The following SNED1 variants were observed in gnomAD, a reference collection of about 807,000 sequenced individuals.
SNED1 encodes sushi, nidogen and EGF like domains 1, also known as sushi, nidogen and EGF-like domain-containing protein 1.
A neutral mutation model predicts 166.7 loss-of-function variants in SNED1; 81 were observed. The observed-to-expected ratio is 0.49, with a 90% CI of 0.41 to 0.58. The LOEUF (loss-of-function observed/expected upper bound fraction) is 0.58, where lower values mean the gene tolerates loss of function less well. Among genes scored for constraint, SNED1 ranks in the 20% least tolerant of loss-of-function variants. The pLI is 0.00. For missense variants in SNED1, 1,604 were observed against 2,000.2 expected, an observed-to-expected ratio of 0.80 and a Z score of 3.78; for synonymous variants, 762 against 822.0, an observed-to-expected ratio of 0.93 and a Z score of 1.25.
chr2:241,083,435 T>A (rs980881089), intron 29 of SNED1, among the ~76,000 whole-genome samples: 1 of 152,142 alleles, frequency 6.6e-6, no homozygotes, highest in Admixed American at 6.5e-5. Flanking sequence ...AGTGACATGT[T>A]CGATTACACT....
At chr2:241,016,089 T>G in intron 1 of SNED1, 1 of 152,112 alleles carries the variant, frequency 6.6e-6, no homozygotes. Context: ...TAATGGCAAA[T>G]TAAATTAATA....
chr2:241,022,323 A>G (rs2060798971), intron 1 of SNED1, among the ~76,000 whole-genome samples: 1 of 152,202 alleles, frequency 6.6e-6, no homozygotes, highest in South Asian at 2.1e-4. Context: ...ACAAAGATTT[A>G]CACCTCTGTT....
At position 241,090,145 on chromosome 2, in the gene SNED1, C is replaced by T; in HGVS notation, c.*2-1493C>T. On this transcript the variant is annotated intron_variant, in intron 31 of 31. Coordinates refer to ENST00000310397, the MANE Select transcript of SNED1 (RefSeq NM_001080437.3). ...TTTTAATAACAGCTTAAAATACAAA[C>T]ACACTGTACGGATGTTCAAAATTGT... The T allele has an allele frequency of 2.7e-6, 4 of 1,473,706 alleles. No individual in the cohort carries two copies. In the South Asian group the frequency reaches 4.2e-5, roughly 16 times the overall value. The allele number at this position is 1,473,706 out of a possible 1,614,324, so 91.3% of individuals were successfully genotyped here.
rs1559284899 is a variant in SNED1 at position 241,064,251 on chromosome 2, C to CG, written c.2599+127dup. 3.0e-6 allele frequency: 2 copies of CG among 659,188 alleles called. No homozygotes were observed. Among genetic ancestry groups the CG allele is most frequent in the Admixed American group, 3.2e-5 (1 of 31,740 alleles). The allele number at this position is 659,188 out of a possible 1,614,324, so 40.8% of individuals were successfully genotyped here. A position where few individuals can be genotyped will look rare whatever the true frequency, so the allele number is the denominator to read the frequency against. On this transcript the variant is annotated intron_variant, in intron 19 of 31. Coordinates refer to ENST00000310397, the MANE Select transcript of SNED1 (RefSeq NM_001080437.3). The surrounding 1 kb of genome is among the most constrained non-coding windows in gnomAD (Gnocchi z 7.0). Reference sequence around the variant, plus strand: ...GCCCGCCTGCTCCCCGCCCTCTGCCCGCCGCCTTGGAAGTCCCCTTCTCAG... The same window carrying CG: ...GCCCGCCTGCTCCCCGCCCTCTGCCCGGCCGCCTTGGAAGTCCCCTTCTCAG...
intron 31 of SNED1, 49 bp downstream of exon 31, chr2:241,088,451 G>C (rs58025399): frequency 2.7e-6 from 4 of 1,491,042 alleles, no homozygotes; most frequent in African/African-American, 2.7e-5. Context: ...GCTGGGAAGT[G>C]GGGGGCGACT....
At chr2:241,043,782 A>G (rs1302485572) in intron 8 of SNED1, among the ~76,000 whole-genome samples, 2 of 152,196 alleles carry the variant, frequency 1.3e-5, no homozygotes, top group Admixed American at 6.5e-5. Flanking sequence ...TCACAACTCA[A>G]CTCTACCATT....
In SNED1 at chr2:241,040,079, A is replaced by G. The variant is rs763415809; in HGVS notation, c.1050A>G (p.Gln350=). The change falls in exon 7 of 32, where the codon CAA becomes CAG. Residue 350 remains glutamine, a synonymous_variant. Coordinates refer to ENST00000310397, the MANE Select transcript of SNED1 (RefSeq NM_001080437.3). ...GTCTACACCTCCTCACTCTAGCCCA[A>G]TCCCCCTGTGACACCAAAGAGTGTC... ...GFGGPTCETA[Q]SPCDTKECQH... 1.5e-5 allele frequency: 23 copies of G among 1,578,628 alleles called. No individual in the cohort carries two copies. Among genetic ancestry groups the G allele is most frequent in the African/African-American group, 4.0e-5 (3 of 74,092 alleles).
intron 1 of SNED1, among the ~76,000 whole-genome samples, chr2:241,014,849 G>C (rs1275659663): frequency 6.6e-6 from 1 of 152,062 alleles, no homozygotes; most frequent in Non-Finnish European, 1.5e-5. Context: ...CTTGGGGCCC[G>C]AGGTAGAGTC....
chr2:241,065,770 T>C (rs2062419869), intron 21 of SNED1, among the ~76,000 whole-genome samples, 175 bp downstream of exon 21: 1 of 152,056 alleles, frequency 6.6e-6, no homozygotes, highest in Non-Finnish European at 1.5e-5. Context: ...CAGAGCTGTG[T>C]GGGAGTGGCC....
chr2:241,011,789 C>A (rs936143750), intron 1 of SNED1, among the ~76,000 whole-genome samples: 1 of 152,198 alleles, frequency 6.6e-6, no homozygotes, highest in South Asian at 2.1e-4. Flanking sequence ...TGCCCACTAG[C>A]CCCCTTCCAC....
chr2:241,063,437 G>A, intron 17 of SNED1, 150 bp from the exon 18 acceptor site: 1 of 666,964 alleles, frequency 1.5e-6, no homozygotes, highest in Non-Finnish European at 2.8e-6. Context: ...GTGGGTTTGG[G>A]GCTGATGGAA....
intron 1 of SNED1, among the ~76,000 whole-genome samples, chr2:241,025,045 C>T (rs900140835): frequency 6.6e-6 from 1 of 152,154 alleles, no homozygotes; most frequent in African/African-American, 2.4e-5. Flanking sequence ...TTACCCTAGA[C>T]CAGGGGTCCC....
chr2:241,073,320 G>C lies in SNED1; in HGVS notation c.3872G>C (p.Ser1291Thr), dbSNP rs201069621. The C allele has an allele frequency of 2.5e-6, 4 of 1,574,542 alleles. No homozygotes were observed. Among genetic ancestry groups the C allele is most frequent in the Middle Eastern group, 1.7e-4 (1 of 6,018 alleles). ...ATGGAGGAAGCCCCCAAGCGGGTCA[G>C]CCTGGCCCTCCAGCTCCCTGAACAC... ...ENMEEAPKRV[S>T]LALQLPEHGS... Residue 1291 changes from serine (S) to threonine (T), a missense_variant, in exon 27 of 32, where the codon AGC (serine) becomes ACC (threonine). By Grantham distance (58) the Ser-to-Thr change is moderately conservative. This residue lies in a region of SNED1 where 367 missense variants were observed against 379.4 expected (regional missense o/e 0.97). Coordinates refer to ENST00000310397, the MANE Select transcript of SNED1 (RefSeq NM_001080437.3). This position sits in a 1 kb window ranked among gnomAD's most constrained non-coding sequence, Gnocchi z 6.6.
Position 241,060,187 on chromosome 2 carries a change from CT to C in SNED1, c.2258-2589del, listed in dbSNP as rs34936638. 3.8e-3 allele frequency among the ~76,000 whole-genome samples: 555 copies of C among 144,470 alleles called. 3 individuals carry two copies. The highest frequency in any genetic ancestry group is 0.014 in the Middle Eastern group (4 of 276). 94.8% of individuals were successfully genotyped at this position (144,470 alleles called of 152,430 possible). The stretch of plus-strand genomic sequence containing the variant: ...TAAATGTAAAAGCTAAAACTATAAA[CT>C]TTTTTTTTTTTTTTGAGACAGAATC... On this transcript the variant is annotated intron_variant, in intron 16 of 31. Transcript: ENST00000310397.
chr2:241,034,636 C>G lies in SNED1; in HGVS notation c.711C>G (p.Ala237=). The G allele has an allele frequency of 6.2e-7, 1 of 1,611,822 alleles. No homozygotes were observed. Among genetic ancestry groups the G allele is most frequent in the Non-Finnish European group, 8.5e-7 (1 of 1,179,466 alleles). Reference sequence around the variant, plus strand: ...CCGGCTCGCGCACAGCAGACATGGCCGAGGTGGAGACCACCACCAACGTGG... The same window carrying G: ...CCGGCTCGCGCACAGCAGACATGGCGGAGGTGGAGACCACCACCAACGTGG... ...SIPGSRTADM[A]EVETTTNVGV... The change falls in exon 4 of 32, where the codon GCC becomes GCG. Residue 237 remains alanine, a synonymous_variant. Coordinates refer to ENST00000310397, the MANE Select transcript of SNED1 (RefSeq NM_001080437.3).
At chr2:241,067,323 C>T (rs898445366) in intron 21 of SNED1, among the ~76,000 whole-genome samples, 2 of 152,218 alleles carry the variant, frequency 1.3e-5, no homozygotes, top group Non-Finnish European at 2.9e-5. Context: ...CCTGCAGTTG[C>T]TGGGAGTTCT....
chr2:241,089,224 G>C, intron 31 of SNED1: 1 of 1,392,948 alleles, frequency 7.2e-7, no homozygotes. Context: ...CATGAAAGAT[G>C]AATCTCTGGT....
chr2:241,051,990 G>A lies in SNED1; in HGVS notation c.1853-51G>A. 3 of 1,557,250 alleles carry A rather than the reference G, an allele frequency of 1.9e-6. No homozygotes were observed. The highest frequency in any genetic ancestry group is 2.6e-6 in the Non-Finnish European group (3 of 1,134,298). ...GAGGCCCCAGCTCTGGGATGTTGGG[G>A]AACGTGGGAGGGGCAGTGGGCTGTG... is the stretch of plus-strand genomic sequence containing the variant. On this transcript the variant is annotated intron_variant, in intron 13 of 31. Transcript: ENST00000310397. The surrounding 1 kb of genome is among the most constrained non-coding windows in gnomAD (Gnocchi z 4.7).
chr2:241,015,839 C>T (rs1363049567), intron 1 of SNED1: 2 of 153,186 alleles, frequency 1.3e-5, no homozygotes, highest in Non-Finnish European at 2.9e-5. Flanking sequence ...TCTCAAAAAG[C>T]AAGTGTTCCG....
Sources: allele counts gnomAD v4.1 joint callset (sites outside exome capture counted in the v4.1 genomes callset), GRCh38; gene constraint gnomAD v4.1.1; regional missense constraint gnomAD v4.1.1; non-coding constraint Gnocchi (gnomAD v3.1); transcripts MANE v1.5; gene names NCBI Gene and HGNC (gene_info 2026-07-23, HGNC 2026-07-21).